MTSS2: variants seen among roughly 807,000 people sequenced by gnomAD.
The protein encoded by MTSS2 is MTSS I-BAR domain containing 2.
Under a neutral mutation model 67.1 loss-of-function variants are expected in MTSS2, and 27 were observed. That is an observed-to-expected ratio of 0.40 (90% CI 0.30 to 0.55). The LOEUF is 0.55. MTSS2 is among the 20% of genes least tolerant of loss of function. The pLI is 0.43. For missense variants in MTSS2, 1,171 were observed against 1,067.8 expected, an observed-to-expected ratio of 1.10 and a Z score of -1.35; for synonymous variants, 624 against 468.6, an observed-to-expected ratio of 1.33 and a Z score of -4.28.
Position 70,663,560 on chromosome 16 carries a change from G to C in MTSS2, c.*117C>G. On this transcript the variant is annotated 3_prime_UTR_variant, in exon 15 of 15. Coordinates refer to ENST00000338779, the MANE Select transcript of MTSS2 (RefSeq NM_138383.3). ...AGGTGTCTTTCCATAAAGTGGCATG[G>C]CCTCTGCCCTGGCTCTGTCCTCTCT... is the stretch of plus-strand genomic sequence containing the variant. 1 of 1,424,922 alleles carries C rather than the reference G, an allele frequency of 7.0e-7. No homozygotes were observed. The highest frequency in any genetic ancestry group is 9.2e-7 in the Non-Finnish European group (1 of 1,088,388). The allele number at this position is 1,424,922 out of a possible 1,614,324, so 88.3% of individuals were successfully genotyped here. A position where few individuals can be genotyped will look rare whatever the true frequency, so the allele number is the denominator to read the frequency against.
intron 8 of MTSS2, 40 bp from the exon 9 acceptor site, chr16:70,677,939 C>T (rs2142873305): frequency 1.4e-6 from 2 of 1,453,978 alleles, no homozygotes; most frequent in Non-Finnish European, 1.9e-6. Context: ...CCCTATCGCC[C>T]ACCTGCCCGC....
At position 70,680,845 on chromosome 16, in the gene MTSS2, C is replaced by A. The variant is rs1289607153; in HGVS notation, c.154G>T (p.Ala52Ser). 2 of 1,557,258 alleles carry A rather than the reference C, an allele frequency of 1.3e-6. No individual in the cohort carries two copies. The highest frequency in any genetic ancestry group is 1.2e-5 in the South Asian group (1 of 84,844). ...QLRTTVLAAV[A>S]FLDAFQKVAD... ...ACTTTCTGGAAGGCATCCAGGAAGG[C>A]CACAGCAGCCAGCACGGTGGTCCTG... The change falls in exon 3 of 15, where the codon GCC becomes TCC. Residue 52 changes from alanine to serine, a missense_variant. Around this residue, in one of 2 missense-constraint regions of MTSS2, gnomAD observed 247 missense variants for 311.8 expected, o/e 0.79. Coordinates refer to ENST00000338779, the MANE Select transcript of MTSS2 (RefSeq NM_138383.3).
rs376208162 is a variant in MTSS2, at chr16:70,665,058, G to A, written c.1167C>T (p.Gly389=). Residue 389 remains glycine, a synonymous_variant, in exon 13 of 15, where the codon GGC becomes GGT. Transcript: ENST00000338779. ...SKVGSHEQPS[G]ATLQRRKDRV... ...GGTCCTTCCTCCGCTGCAGAGTGGCGCCTGAGGGCTGCTCATGGGAGCCGA... is the reference window on the plus strand; with the variant it reads ...GGTCCTTCCTCCGCTGCAGAGTGGCACCTGAGGGCTGCTCATGGGAGCCGA... 63 of 1,597,874 alleles carry A rather than the reference G, an allele frequency of 3.9e-5. No homozygotes were observed. Among genetic ancestry groups the A allele is most frequent in the Non-Finnish European group, 5.0e-5 (59 of 1,179,726 alleles).
At chr16:70,669,020 ACACT>A (rs2052826458) in intron 11 of MTSS2, among the ~76,000 whole-genome samples, 1 of 152,128 alleles carries the variant, frequency 6.6e-6, no homozygotes, top group African/African-American at 2.4e-5. Flanking sequence ...CACACACCAC[ACACT>A]CAATTCCAGA....
At chr16:70,670,132 G>A (rs1198672702) in intron 11 of MTSS2, among the ~76,000 whole-genome samples, 2 of 152,016 alleles carry the variant, frequency 1.3e-5, no homozygotes, top group Non-Finnish European at 2.9e-5. Flanking sequence ...TTAGCCAGGT[G>A]TGGTGGCATG....
chr16:70,664,038 G>A lies in MTSS2; in HGVS notation c.1883C>T (p.Pro628Leu), dbSNP rs763583574. The A allele has an allele frequency of 7.5e-6, 12 of 1,608,814 alleles. No individual in the cohort carries two copies. Among genetic ancestry groups the A allele is most frequent in the Admixed American group, 6.7e-5 (4 of 59,542 alleles). The change falls in exon 15 of 15, where the codon CCG (proline) becomes CTG (leucine). Residue 628 changes from proline to leucine, a missense_variant. By Grantham distance (98) the Pro-to-Leu change is moderately conservative (BLOSUM62 -3). Transcript: ENST00000338779. ...CTTTGGGGAGGCCTTGGCGAGGTCCGGTGCCAGGGGTGAGGCGGTCTCGTC... is the reference window on the plus strand; with the variant it reads ...CTTTGGGGAGGCCTTGGCGAGGTCCAGTGCCAGGGGTGAGGCGGTCTCGTC... ...YTDETASPLA[P>L]DLAKASPKRL...
chr16:70,682,010 G>A (rs181167308), intron 1 of MTSS2, among the ~76,000 whole-genome samples: 23 of 152,302 alleles, frequency 1.5e-4, no homozygotes, highest in African/African-American at 3.8e-4. Flanking sequence ...GAGGAAAGGG[G>A]AATGCGGAGA....
intron 1 of MTSS2, among the ~76,000 whole-genome samples, chr16:70,684,944 TCA>T (rs1003044661): frequency 8.5e-5 from 13 of 152,160 alleles, no homozygotes; most frequent in Non-Finnish European, 1.6e-4. Context: ...TTTCCAGGCC[TCA>T]GTTTCCCCAC....
intron 1 of MTSS2, among the ~76,000 whole-genome samples, chr16:70,681,790 T>C (rs2053312394): frequency 1.3e-5 from 2 of 152,224 alleles, no homozygotes; most frequent in Non-Finnish European, 2.9e-5. Context: ...GAGGTCGGGC[T>C]CCTGGCCACC....
At chr16:70,664,484 A>C (rs2052622730) in intron 14 of MTSS2, 35 bp from the exon 15 acceptor site, 1 of 1,542,522 alleles carries the variant, frequency 6.5e-7, no homozygotes. Flanking sequence ...CCCAGGGCCC[A>C]GGTGGCCCCT....
intron 10 of MTSS2, 90 bp from the exon 11 acceptor site, chr16:70,674,618 A>G: frequency 6.1e-6 from 7 of 1,146,114 alleles, no homozygotes; most frequent in Non-Finnish European, 8.8e-6. Context: ...GGGTGGGGAA[A>G]GAGGTGAGGG....
chr16:70,672,486 C>A (rs868737451), intron 11 of MTSS2, among the ~76,000 whole-genome samples: 97 of 151,424 alleles, frequency 6.4e-4, no homozygotes, highest in Non-Finnish European at 2.8e-4. Context: ...TAGTATTATA[C>A]CAGTGTTAAT....
At chr16:70,668,403 A>G (rs2052801221) in intron 11 of MTSS2, among the ~76,000 whole-genome samples, 1 of 121,986 alleles carries the variant, frequency 8.2e-6, no homozygotes, top group Non-Finnish European at 2.0e-5. Flanking sequence ...GTGAGACTGT[A>G]TCAAAAAAAA....
In MTSS2 at chr16:70,677,913, G is replaced by A. The variant is rs375051205; in HGVS notation, c.625-14C>T. On this transcript the variant is annotated splice_polypyrimidine_tract_variant and intron_variant, in intron 8 of 14. Coordinates refer to ENST00000338779, the MANE Select transcript of MTSS2 (RefSeq NM_138383.3). ...CAGCTCTCCATTCTGAGGAAGCAGC[G>A]AGTCAGACCTGCTGGCCCTATCGCC... 2.0e-5 allele frequency: 31 copies of A among 1,569,682 alleles called. No homozygotes were observed. The highest frequency in any genetic ancestry group is 9.2e-5 in the East Asian group (4 of 43,474).
At chr16:70,677,136 G>T (rs2053143614) in intron 9 of MTSS2, among the ~76,000 whole-genome samples, 158 bp from the exon 10 acceptor site, 2 of 152,118 alleles carry the variant, frequency 1.3e-5, no homozygotes, top group African/African-American at 4.8e-5. Context: ...GGGGAGCAGG[G>T]AGACACCAGA....
intron 2 of MTSS2, 46 bp downstream of exon 2, chr16:70,680,918 G>GGGGGGGGGGGGGGCCCCCCC: frequency 9.1e-7 from 1 of 1,097,910 alleles, no homozygotes; most frequent in Non-Finnish European, 1.3e-6. Context: ...CGGGGGGGGG[G>GGGGGGGGGGGGGGCCCCCCC]CCTCTGCCTG....
Position 70,678,370 on chromosome 16 carries a change from T to C in MTSS2, c.506A>G (p.Gln169Arg), listed in dbSNP as rs755664931. The change falls in exon 8 of 15, where the codon CAG becomes CGG. Residue 169 changes from glutamine (Q) to arginine (R), a missense_variant. Gln to Arg is a conservative substitution (Grantham distance 43). Coordinates refer to ENST00000338779, the MANE Select transcript of MTSS2 (RefSeq NM_138383.3). ...DLQPQLDSAL[Q>R]DVNDMYLLLE... ...CAGCAGGTACATGTCGTTGACGTCC[T>C]GCAGGGCACTGTCCAGCTGGGGCTG... 5 of 1,612,784 alleles carry C rather than the reference T, an allele frequency of 3.1e-6. No homozygotes were observed. The highest frequency in any genetic ancestry group is 4.2e-6 in the Non-Finnish European group (5 of 1,179,950).
At chr16:70,669,520 T>TA (rs1386551271) in intron 11 of MTSS2, among the ~76,000 whole-genome samples, 1 of 150,432 alleles carries the variant, frequency 6.6e-6, no homozygotes, top group Non-Finnish European at 1.5e-5. Context: ...CTATCTCTTA[T>TA]AAAAAAGTAT....
Position 70,664,367 on chromosome 16 carries a change from CG to C in MTSS2, c.1553del (p.Pro518ArgfsTer13). On this transcript the variant is annotated frameshift_variant, in exon 15 of 15. Transcript: ENST00000338779. LOFTEE classifies it low-confidence loss of function (END_TRUNC). Reference sequence around the variant, plus strand: ...AGTTCTGGGCGATGTTGCTGTTGCGCGGGATGGTGGATGACTTGTCAAACTC... The same window carrying C: ...AGTTCTGGGCGATGTTGCTGTTGCGCGGATGGTGGATGACTTGTCAAACTC... ...PPEFDKSSTI[P>X]RNSNIAQNYR... 6.3e-7 allele frequency: 1 copy of C among 1,589,340 alleles called. No individual in the cohort carries two copies. The highest frequency in any genetic ancestry group is 8.5e-7 in the Non-Finnish European group (1 of 1,170,604).
Sources: gnomAD v4.1 joint callset for allele counts (sites outside exome capture counted in the v4.1 genomes callset) on GRCh38, gnomAD v4.1.1 for gene constraint, gnomAD v4.1.1 regional missense constraint, MANE v1.5 for transcripts, NCBI Gene and HGNC (gene_info 2026-07-23, HGNC 2026-07-21) for gene names.